EFR3B: variants seen among roughly 807,000 people sequenced by gnomAD.
The protein encoded by EFR3B is EFR3 homolog B.
In EFR3B, 64 loss-of-function variants were observed where a neutral mutation model predicts 104.7. That is an observed-to-expected ratio of 0.61 (90% CI 0.50 to 0.75). The LOEUF (loss-of-function observed/expected upper bound fraction) is 0.75, where lower values mean the gene tolerates loss of function less well. EFR3B is among the 30% of genes least tolerant of loss of function. The pLI, the probability that EFR3B is intolerant of heterozygous loss-of-function variation, is 0.00. For synonymous variants in EFR3B, 385 were observed against 417.9 expected, an observed-to-expected ratio of 0.92 and a Z score of 0.96; for missense variants, 750 against 1,078.5, an observed-to-expected ratio of 0.70 and a Z score of 4.27.
intron 5 of EFR3B, 52 bp downstream of exon 5, chr2:25,121,846 G>T: frequency 6.4e-7 from 1 of 1,550,620 alleles, no homozygotes. Flanking sequence ...AGAAGCAACG[G>T]TGGGTCCTGT....
At chr2:25,111,240 T>C (rs77589773) in intron 4 of EFR3B, among the ~76,000 whole-genome samples, 4,902 of 152,300 alleles carry the variant, frequency 0.032, 256 homozygotes, top group African/African-American at 0.11. Flanking sequence ...CCCCTCTCCA[T>C]TGTAAAATTA....
chr2:25,063,611 G>A (rs1573173630), intron 1 of EFR3B, among the ~76,000 whole-genome samples: 2 of 152,164 alleles, frequency 1.3e-5, no homozygotes, highest in Admixed American at 6.5e-5. Flanking sequence ...AAATGGAGAC[G>A]ATAGACCCCA....
At chr2:25,047,689 G>A (rs1046985238) in intron 1 of EFR3B, among the ~76,000 whole-genome samples, 3 of 151,714 alleles carry the variant, frequency 2.0e-5, no homozygotes, top group Non-Finnish European at 2.9e-5. Context: ...AGTAGAGATG[G>A]GGTTTCACCA....
At position 25,154,881 on chromosome 2, in the gene EFR3B, T is replaced by TA. The variant is rs1242353341; in HGVS notation, c.*543dup. On this transcript the variant is annotated 3_prime_UTR_variant, in exon 23 of 23. Coordinates refer to ENST00000403714, the MANE Select transcript of EFR3B (RefSeq NM_014971.2). This position sits in a 1 kb window ranked among gnomAD's most constrained non-coding sequence, Gnocchi z 4.1. ...GTCTGTTCATGTTTCTTTCTACTAT[T>TA]AATGAATGCTGAGCCCTTATAACAG... 1 of 153,522 alleles carries TA rather than the reference T, an allele frequency of 6.5e-6. No individual in the cohort carries two copies. Among genetic ancestry groups the TA allele is most frequent in the Non-Finnish European group, 1.4e-5 (1 of 69,020 alleles). The allele number at this position is 153,522 out of a possible 1,614,324, so 9.5% of individuals were successfully genotyped here. A position where few individuals can be genotyped will look rare whatever the true frequency, so the allele number is the denominator to read the frequency against.
chr2:25,070,347 C>T (rs567363699), intron 1 of EFR3B, among the ~76,000 whole-genome samples: 4 of 151,992 alleles, frequency 2.6e-5, no homozygotes, highest in African/African-American at 7.2e-5. Context: ...CTGCAACCTC[C>T]GCCTCCCGGG....
chr2:25,108,242 T>C (rs1444291516), intron 4 of EFR3B, among the ~76,000 whole-genome samples: 1 of 152,128 alleles, frequency 6.6e-6, no homozygotes, highest in African/African-American at 2.4e-5. Context: ...CCAGCTAAGC[T>C]CCTTACTCAC....
At chr2:25,085,541 T>G (rs1668925918) in intron 1 of EFR3B, among the ~76,000 whole-genome samples, 1 of 152,174 alleles carries the variant, frequency 6.6e-6, no homozygotes, top group Non-Finnish European at 1.5e-5. Context: ...CTCAGCTCAC[T>G]GCATCCTCCA....
intron 1 of EFR3B, among the ~76,000 whole-genome samples, chr2:25,072,674 C>A (rs1216333266): frequency 6.6e-6 from 1 of 152,136 alleles, no homozygotes; most frequent in Non-Finnish European, 1.5e-5. Flanking sequence ...ATAGCCAGAC[C>A]CATGGCTACC....
intron 1 of EFR3B, among the ~76,000 whole-genome samples, chr2:25,064,310 G>A (rs991283409): frequency 1.3e-5 from 2 of 152,168 alleles, no homozygotes; most frequent in Admixed American, 1.3e-4. Flanking sequence ...TCTTAAATCT[G>A]TGAGTTCGTC....
chr2:25,084,027 C>T (rs145442884), intron 1 of EFR3B, among the ~76,000 whole-genome samples: 67 of 152,180 alleles, frequency 4.4e-4, no homozygotes, highest in African/African-American at 1.5e-3. Context: ...AGAACATGGA[C>T]TCTGAAAGTA....
chr2:25,152,844 A>G lies in EFR3B; in HGVS notation c.2298+824A>G, dbSNP rs200402039. ...TGTGTGTGTGTGTGTGTGTGTGTGT[A>G]TATAAAACACATATAGATTTTCCTG... On this transcript the variant is annotated intron_variant, in intron 21 of 22. Coordinates refer to ENST00000403714, the MANE Select transcript of EFR3B (RefSeq NM_014971.2). Among the ~76,000 whole-genome samples, 192 of 91,742 alleles carry G rather than the reference A, an allele frequency of 2.1e-3. 2 individuals carry two copies. Among genetic ancestry groups the G allele is most frequent in the East Asian group, 0.015 (67 of 4,430 alleles). 60.2% of individuals were successfully genotyped at this position (91,742 alleles called of 152,430 possible). A position where few individuals can be genotyped will look rare whatever the true frequency, so the allele number is the denominator to read the frequency against.
chr2:25,128,032 G>C, intron 5 of EFR3B, 151 bp from the exon 6 acceptor site: 4 of 813,816 alleles, frequency 4.9e-6, no homozygotes, highest in Non-Finnish European at 7.6e-6. Context: ...AGCACCAGGA[G>C]GTCTCATGAG....
chr2:25,156,077 GTGTGCACGGA>G lies in EFR3B; in HGVS notation c.*1744_*1753del, dbSNP rs1364726589. 4 of 152,162 alleles carry G rather than the reference GTGTGCACGGA, an allele frequency of 2.6e-5. No individual in the cohort carries two copies. The highest frequency in any genetic ancestry group is 2.6e-4 in the Admixed American group (4 of 15,270). The allele number at this position is 152,162 out of a possible 1,614,324, so 9.4% of individuals were successfully genotyped here. On this transcript the variant is annotated 3_prime_UTR_variant, in exon 23 of 23. Coordinates refer to ENST00000403714, the MANE Select transcript of EFR3B (RefSeq NM_014971.2). ...GCCTCAGCTCATAGCCCCACGTGTGGTGTGCACGGATGTGCAGGGAGAGCCTGATTGTTAG... is the reference window on the plus strand; with the variant it reads ...GCCTCAGCTCATAGCCCCACGTGTGGTGTGCAGGGAGAGCCTGATTGTTAG...
rs185464477 is a variant in EFR3B at position 25,057,768 on chromosome 2, A to T, written c.7+15449A>T. Among the ~76,000 whole-genome samples the T allele has an allele frequency of 1.6e-3, 221 of 136,078 alleles. 2 individuals are homozygous for T. The highest frequency in any genetic ancestry group is 3.4e-4 in the Non-Finnish European group (22 of 63,928). The allele number at this position is 136,078 out of a possible 152,430, so 89.3% of individuals were successfully genotyped here. A position where few individuals can be genotyped will look rare whatever the true frequency, so the allele number is the denominator to read the frequency against. ...TTATTGCACTCCATCCTGAGCAACA[A>T]GAGCAAAACTCCGTCAAAAAAAAAA... On this transcript the variant is annotated intron_variant, in intron 1 of 22. Coordinates refer to ENST00000403714, the MANE Select transcript of EFR3B (RefSeq NM_014971.2).
intron 1 of EFR3B, chr2:25,079,977 G>T: frequency 9.3e-7 from 1 of 1,072,306 alleles, no homozygotes; most frequent in Non-Finnish European, 1.4e-6. Context: ...CCTTCTGAAC[G>T]TTCTAGCAGT....
chr2:25,100,244 A>G (rs1203470480), intron 3 of EFR3B, among the ~76,000 whole-genome samples: 5 of 152,192 alleles, frequency 3.3e-5, no homozygotes, highest in African/African-American at 1.2e-4. Flanking sequence ...CTAACATTCA[A>G]TGATGGATAT....
At position 25,042,335 on chromosome 2, in the gene EFR3B, C is replaced by CGCCCGG. The variant is rs1318650216; in HGVS notation, c.7+28_7+33dup. ...GAGATGTACGGTAAGGAGGGCTCCG[C>CGCCCGG]GCCCGGGCCCGGGCCCGCGGGGGCG... On this transcript the variant is annotated intron_variant, in intron 1 of 22. Coordinates refer to ENST00000403714, the MANE Select transcript of EFR3B (RefSeq NM_014971.2). This position sits in a 1 kb window ranked among gnomAD's most constrained non-coding sequence, Gnocchi z 5.4. The CGCCCGG allele has an allele frequency of 1.3e-5, 16 of 1,262,606 alleles. No individual in the cohort carries two copies. The highest frequency in any genetic ancestry group is 3.1e-5 in the African/African-American group (2 of 64,170). The allele number at this position is 1,262,606 out of a possible 1,614,324, so 78.2% of individuals were successfully genotyped here. A position where few individuals can be genotyped will look rare whatever the true frequency, so the allele number is the denominator to read the frequency against.
At chr2:25,096,672 G>A (rs956791887) in intron 3 of EFR3B, among the ~76,000 whole-genome samples, 3 of 152,142 alleles carry the variant, frequency 2.0e-5, no homozygotes, top group African/African-American at 4.8e-5. Context: ...TCTTTCTGGT[G>A]TTCTCTCTCA....
intron 15 of EFR3B, among the ~76,000 whole-genome samples, chr2:25,138,001 G>A (rs569602838): frequency 1.3e-3 from 195 of 152,134 alleles, no homozygotes; most frequent in Middle Eastern, 3.4e-3. Context: ...GTGAAACCCC[G>A]TCTCCACTAA....
Sources: gnomAD v4.1 joint callset for allele counts (sites outside exome capture counted in the v4.1 genomes callset) on GRCh38, gnomAD v4.1.1 for gene constraint, Gnocchi (gnomAD v3.1) non-coding constraint, MANE v1.5 for transcripts, NCBI Gene and HGNC (gene_info 2026-07-23, HGNC 2026-07-21) for gene names.